Variants in TNKS2 observed in about 807,000 individuals in gnomAD.
TNKS2 encodes the protein tankyrase 2.
TNKS2 carries 72 observed loss-of-function variants against 137.6 expected under a neutral mutation model. That is an observed-to-expected ratio of 0.52 (90% CI 0.43 to 0.64). The LOEUF (loss-of-function observed/expected upper bound fraction) is 0.64, where lower values mean the gene tolerates loss of function less well. Among genes scored for constraint, TNKS2 ranks in the 30% least tolerant of loss-of-function variants. The pLI, the probability that TNKS2 is intolerant of heterozygous loss-of-function variation, is 0.00. For missense variants in TNKS2, 1,049 were observed against 1,410.2 expected (o/e 0.74, Z 4.10); for synonymous variants, 516 against 512.1 (o/e 1.01, Z -0.10).
chr10:91,860,305 G>A (rs1842820002), intron 25 of TNKS2, among the ~76,000 whole-genome samples: 1 of 152,036 alleles, frequency 6.6e-6, no homozygotes, highest in Non-Finnish European at 1.5e-5. Flanking sequence ...AGATTTATTC[G>A]ACAGTTAGGG....
At chr10:91,829,125 G>A (rs1236966765) in intron 9 of TNKS2, among the ~76,000 whole-genome samples, 3 of 152,176 alleles carry the variant, frequency 2.0e-5, no homozygotes, top group Non-Finnish European at 2.9e-5. Flanking sequence ...AAGTTAATGT[G>A]TGTAGAAGCA....
rs780714641 is a variant in TNKS2 at position 91,863,574 on chromosome 10, G to C, written c.*575G>C. The C allele has an allele frequency of 6.6e-6, 1 of 152,358 alleles. No homozygotes were observed. The allele number at this position is 152,358 out of a possible 1,614,324, so 9.4% of individuals were successfully genotyped here. On this transcript the variant is annotated 3_prime_UTR_variant, in exon 27 of 27. Transcript: ENST00000371627. ...CATTTGATTCCAGAGGCTATGTTCA[G>C]TTGTTAGTTGGGAAAGATTGAGTTA... is the stretch of plus-strand genomic sequence containing the variant.
At chr10:91,848,753 AC>A (rs920229716) in intron 19 of TNKS2, 118 bp downstream of exon 19, 1 of 1,209,170 alleles carries the variant, frequency 8.3e-7, no homozygotes, top group African/African-American at 1.5e-5. Context: ...AAATTAGTTA[AC>A]ATAGCCTTAA....
At chr10:91,800,641 A>G (rs1234785666) in intron 1 of TNKS2, among the ~76,000 whole-genome samples, 1 of 152,112 alleles carries the variant, frequency 6.6e-6, no homozygotes, top group African/African-American at 2.4e-5. Flanking sequence ...CTCACAACTT[A>G]CCCAAATTAT....
chr10:91,844,678 T>C (rs187176201), intron 16 of TNKS2, among the ~76,000 whole-genome samples: 19 of 152,322 alleles, frequency 1.2e-4, no homozygotes, highest in Admixed American at 9.1e-4. Flanking sequence ...CACAAAAAGC[T>C]TCCAACTTGA....
rs948452080 is a variant in TNKS2 at position 91,863,873 on chromosome 10, A to C, written c.*874A>C. On this transcript the variant is annotated 3_prime_UTR_variant, in exon 27 of 27. Coordinates refer to ENST00000371627, the MANE Select transcript of TNKS2 (RefSeq NM_025235.4). Reference sequence around the variant, plus strand: ...TAGAGAAACTAAATCTTGCTGTTGAACAATTATTGTGTTCTTTTCATGGAA... The same window carrying C: ...TAGAGAAACTAAATCTTGCTGTTGACCAATTATTGTGTTCTTTTCATGGAA... 2 of 152,134 alleles carry C rather than the reference A, an allele frequency of 1.3e-5. No homozygotes were observed. The highest frequency in any genetic ancestry group is 4.8e-5 in the African/African-American group (2 of 41,422). 9.4% of individuals were successfully genotyped at this position (152,134 alleles called of 1,614,324 possible). A position where few individuals can be genotyped will look rare whatever the true frequency, so the allele number is the denominator to read the frequency against.
intron 1 of TNKS2, among the ~76,000 whole-genome samples, chr10:91,806,014 A>G (rs981106945): frequency 1.4e-5 from 2 of 142,846 alleles, no homozygotes; most frequent in African/African-American, 2.6e-5. Flanking sequence ...ACATTTTCCT[A>G]CTTGGCTTCT....
At chr10:91,828,491 T>A (rs759246611) in intron 9 of TNKS2, 85 bp downstream of exon 9, 5 of 871,820 alleles carry the variant, frequency 5.7e-6, no homozygotes, top group Non-Finnish European at 7.5e-6. Context: ...AGAACTAGCA[T>A]TTTTTTGAGT....
intron 26 of TNKS2, among the ~76,000 whole-genome samples, 191 bp from the exon 27 acceptor site, chr10:91,862,746 T>C (rs961830447): frequency 6.6e-6 from 1 of 152,216 alleles, no homozygotes; most frequent in African/African-American, 2.4e-5. Flanking sequence ...GTATTCATCT[T>C]AGACTTGCTG....
chr10:91,798,960 A>T, intron 1 of TNKS2, 71 bp downstream of exon 1: 1 of 1,285,154 alleles, frequency 7.8e-7, no homozygotes, highest in Non-Finnish European at 9.9e-7. Flanking sequence ...CAGGTCTGAA[A>T]CCAGTGCTCC....
chr10:91,844,095 T>C (rs539251116), intron 16 of TNKS2, among the ~76,000 whole-genome samples: 23 of 152,370 alleles, frequency 1.5e-4, no homozygotes, highest in African/African-American at 5.5e-4. Flanking sequence ...TGTTAGCTTT[T>C]ATATCTTTCT....
At chr10:91,827,866 A>G (rs932034449) in intron 8 of TNKS2, among the ~76,000 whole-genome samples, 13 of 152,248 alleles carry the variant, frequency 8.5e-5, no homozygotes, top group Non-Finnish European at 1.5e-4. Flanking sequence ...CAGTTCCCTG[A>G]TGGTTTGAGC....
chr10:91,824,991 A>G (rs556928910), intron 7 of TNKS2, among the ~76,000 whole-genome samples: 22 of 152,346 alleles, frequency 1.4e-4, no homozygotes, highest in African/African-American at 1.9e-4. Flanking sequence ...GTAGAATAGT[A>G]TTGCAAGCAA....
chr10:91,846,318 A>G (rs1193259618), intron 18 of TNKS2, among the ~76,000 whole-genome samples: 1 of 152,196 alleles, frequency 6.6e-6, no homozygotes, highest in African/African-American at 2.4e-5. Context: ...AACTGGGAAC[A>G]TTGCCCCCCA....
At position 91,845,060 on chromosome 10, in the gene TNKS2, G is replaced by A. The variant is rs563198225; in HGVS notation, c.2169+32G>A. The A allele has an allele frequency of 4.0e-5, 59 of 1,468,512 alleles. 2 individuals carry two copies. The South Asian group carries it at 6.8e-4, about 17-fold the overall frequency. 91.0% of individuals were successfully genotyped at this position (1,468,512 alleles called of 1,614,324 possible). ...TCTTCCGTGTTACCTTTAAAAATTT[G>A]TGGAATTTTAAAGTGAAAGTCAGTA... On this transcript the variant is annotated intron_variant, in intron 17 of 26. Transcript: ENST00000371627.
chr10:91,801,621 G>A (rs1039514813), intron 1 of TNKS2, among the ~76,000 whole-genome samples: 8 of 151,980 alleles, frequency 5.3e-5, no homozygotes, highest in South Asian at 2.1e-4. Context: ...TTACAGGTGC[G>A]CACTGCCACG....
chr10:91,815,824 G>A (rs1203228458), intron 2 of TNKS2, among the ~76,000 whole-genome samples: 1 of 152,062 alleles, frequency 6.6e-6, no homozygotes, highest in African/African-American at 2.4e-5. Flanking sequence ...AAGAACAGGA[G>A]CTGAGCTTCC....
chr10:91,812,160 CATA>C (rs1309987745), intron 1 of TNKS2, among the ~76,000 whole-genome samples: 1 of 152,016 alleles, frequency 6.6e-6, no homozygotes, highest in Non-Finnish European at 1.5e-5. Context: ...TCTGCTTTAA[CATA>C]TGCCTGAAAG....
Position 91,848,426 on chromosome 10 carries a change from C to T in TNKS2, c.2402C>T (p.Ser801Phe), listed in dbSNP as rs2133666061. The T allele has an allele frequency of 6.2e-7, 1 of 1,614,250 alleles. No homozygotes were observed. Among genetic ancestry groups the T allele is most frequent in the Non-Finnish European group, 8.5e-7 (1 of 1,180,040 alleles). Reference sequence around the variant, plus strand: ...CTTCTGACAGCAGCCATGCCCCCATCTGCTCTGCCCTCTTGTTACAAGCCT... The same window carrying T: ...CTTCTGACAGCAGCCATGCCCCCATTTGCTCTGCCCTCTTGTTACAAGCCT... ...SALLTAAMPP[S>F]ALPSCYKPQV... The change falls in exon 19 of 27, where the codon TCT becomes TTT. Residue 801 changes from serine (S) to phenylalanine (F), a missense_variant. By Grantham distance (155) the Ser-to-Phe change is radical (BLOSUM62 -2). Around this residue, in one of 6 missense-constraint regions of TNKS2, gnomAD observed 208 missense variants for 231.2 expected, o/e 0.90. Coordinates refer to ENST00000371627, the MANE Select transcript of TNKS2 (RefSeq NM_025235.4).
Sources: gnomAD v4.1 joint callset for allele counts (sites outside exome capture counted in the v4.1 genomes callset) on GRCh38, gnomAD v4.1.1 for gene constraint, gnomAD v4.1.1 regional missense constraint, MANE v1.5 for transcripts, NCBI Gene and HGNC (gene_info 2026-07-23, HGNC 2026-07-21) for gene names.